ZNF407: variants seen among roughly 807,000 people sequenced by gnomAD.
ZNF407 encodes zinc finger protein 407.
ZNF407 carries 17 observed loss-of-function variants against 131.2 expected under a neutral mutation model. That is an observed-to-expected ratio of 0.13 (90% CI 0.09 to 0.19). The LOEUF (loss-of-function observed/expected upper bound fraction) is 0.19, where lower values mean the gene tolerates loss of function less well. Ranked by LOEUF, ZNF407 falls within the 10% of genes least tolerant of loss-of-function variation. The pLI is 1.00. For missense variants in ZNF407, 2,681 were observed against 2,830.6 expected (o/e 0.95, Z 1.20); for synonymous variants, 1,156 against 1,062.0 (o/e 1.09, Z -1.72).
intron 1 of ZNF407, among the ~76,000 whole-genome samples, chr18:74,601,893 A>G (rs1228574624): frequency 1.3e-5 from 2 of 152,358 alleles, no homozygotes; most frequent in Middle Eastern, 3.4e-3. Context: ...TTAATGGAGT[A>G]TGAGTCATTT....
chr18:74,778,532 T>C (rs1969522758), intron 3 of ZNF407, among the ~76,000 whole-genome samples: 1 of 152,218 alleles, frequency 6.6e-6, no homozygotes, highest in Admixed American at 6.5e-5. Context: ...AGGTTGTACA[T>C]TTTTTGAGGG....
rs574567482 is a variant in ZNF407 at position 74,933,869 on chromosome 18, C to T, written c.5428+13177C>T. ...ATGTGAAGTAAAATATTTGAACTTA[C>T]AGACATGTTTACACTTCCTTGTTTT... is the stretch of plus-strand genomic sequence containing the variant. On this transcript the variant is annotated intron_variant, in intron 8 of 8. Transcript: ENST00000299687. Among the ~76,000 whole-genome samples the T allele has an allele frequency of 9.2e-5, 14 of 152,284 alleles. No homozygotes were observed. The East Asian group carries it at 2.1e-3, about 23-fold the overall frequency.
chr18:74,655,864 C>G (rs1468558451), intron 3 of ZNF407, among the ~76,000 whole-genome samples: 3 of 152,010 alleles, frequency 2.0e-5, no homozygotes, highest in Admixed American at 2.0e-4. Context: ...TTGTGTGATA[C>G]GATGAGACTG....
chr18:75,035,907 C>A (rs1292373981), intron 8 of ZNF407, among the ~76,000 whole-genome samples: 1 of 152,208 alleles, frequency 6.6e-6, no homozygotes, highest in Non-Finnish European at 1.5e-5. Context: ...CTTGCCCTTT[C>A]TCCTAGGTTA....
intron 4 of ZNF407, among the ~76,000 whole-genome samples, chr18:74,869,909 A>G (rs925052778): frequency 5.3e-5 from 8 of 152,202 alleles, no homozygotes; most frequent in Admixed American, 4.6e-4. Context: ...GCTGGTGAGT[A>G]TTGGATGCAT....
At chr18:75,017,696 C>T (rs1266236767) in intron 8 of ZNF407, among the ~76,000 whole-genome samples, 1 of 152,128 alleles carries the variant, frequency 6.6e-6, no homozygotes, top group Non-Finnish European at 1.5e-5. Context: ...TTCCTTCTTC[C>T]ACCATGTGTT....
intron 3 of ZNF407, among the ~76,000 whole-genome samples, chr18:74,748,109 T>G (rs1368595140): frequency 1.3e-5 from 2 of 152,134 alleles, no homozygotes; most frequent in Non-Finnish European, 2.9e-5. Context: ...TTTGTAAATA[T>G]GGGGATATGT....
At chr18:74,861,256 A>ACC (rs1970933031) in intron 4 of ZNF407, among the ~76,000 whole-genome samples, 2 of 152,220 alleles carry the variant, frequency 1.3e-5, no homozygotes, top group Admixed American at 1.3e-4. Flanking sequence ...CCTGGGAGGA[A>ACC]GCTGTCAGGC....
rs867014418 is a variant in ZNF407, at chr18:75,063,296, C to A, written c.5575C>A (p.Pro1859Thr). ...PLRSSRRPAP[P>T]PEQVQQVIIF... ...CAGAAGCAGCAGGAGGCCAGCGCCG[C>A]CCCCTGAGCAGGTGCAGCAGGTCAT... The change falls in exon 9 of 9, where the codon CCC becomes ACC. Residue 1859 changes from proline (P) to threonine (T), a missense_variant. By Grantham distance (38) the Pro-to-Thr change is conservative. Coordinates refer to ENST00000299687, the MANE Select transcript of ZNF407 (RefSeq NM_017757.3). The surrounding 1 kb of genome is among the most constrained non-coding windows in gnomAD (Gnocchi z 6.6). 6.8e-6 allele frequency: 11 copies of A among 1,613,580 alleles called. No homozygotes were observed. Among genetic ancestry groups the A allele is most frequent in the Non-Finnish European group, 9.3e-6 (11 of 1,179,890 alleles).
chr18:74,752,658 C>T (rs1968833943), intron 3 of ZNF407, among the ~76,000 whole-genome samples: 2 of 152,124 alleles, frequency 1.3e-5, no homozygotes, highest in Admixed American at 6.6e-5. Context: ...TCGTTTTTGT[C>T]AGGTTTGTCA....
chr18:74,813,103 A>G (rs1272549823), intron 4 of ZNF407, among the ~76,000 whole-genome samples: 1 of 152,180 alleles, frequency 6.6e-6, no homozygotes, highest in East Asian at 1.9e-4. Flanking sequence ...TGATATGACA[A>G]GAAGGATGGC....
intron 3 of ZNF407, among the ~76,000 whole-genome samples, chr18:74,752,832 G>T (rs1034527880): frequency 3.5e-4 from 53 of 152,222 alleles, no homozygotes; most frequent in African/African-American, 1.2e-3. Context: ...TTGTTCTTTT[G>T]GATTAGGATT....
intron 8 of ZNF407, among the ~76,000 whole-genome samples, chr18:75,039,359 A>G (rs961358762): frequency 6.6e-6 from 1 of 152,248 alleles, no homozygotes; most frequent in African/African-American, 2.4e-5. Flanking sequence ...AACCATAATT[A>G]GTGCAGTAAT....
At chr18:75,023,182 G>C (rs1973131752) in intron 8 of ZNF407, among the ~76,000 whole-genome samples, 1 of 152,092 alleles carries the variant, frequency 6.6e-6, no homozygotes, top group East Asian at 1.9e-4. Flanking sequence ...TCTGAAGTAG[G>C]GGGGCAGGGA....
At chr18:75,011,082 G>T (rs1248321956) in intron 8 of ZNF407, among the ~76,000 whole-genome samples, 1 of 152,102 alleles carries the variant, frequency 6.6e-6, no homozygotes, top group African/African-American at 2.4e-5. Context: ...TTGAAAAGCT[G>T]AGTCTTATTT....
Position 75,013,949 on chromosome 18 carries a change from T to C in ZNF407, c.5429-49201T>C, listed in dbSNP as rs143062727. ...TCGCTTGAGTTGTGAGGAAATTCAT[T>C]CACTACATTTCTGTCACCAAAAAGT... On this transcript the variant is annotated intron_variant, in intron 8 of 8. Coordinates refer to ENST00000299687, the MANE Select transcript of ZNF407 (RefSeq NM_017757.3). 4.9e-3 allele frequency among the ~76,000 whole-genome samples: 746 copies of C among 152,218 alleles called. 9 individuals are homozygous for C. Among genetic ancestry groups the C allele is most frequent in the African/African-American group, 0.016 (681 of 41,536 alleles).
Position 74,659,391 on chromosome 18 carries a change from A to G in ZNF407, c.4802+18269A>G, listed in dbSNP as rs1196442796. 2.6e-5 allele frequency among the ~76,000 whole-genome samples: 4 copies of G among 152,306 alleles called. No individual in the cohort carries two copies. In the East Asian group the frequency reaches 5.8e-4, roughly 22 times the overall value. On this transcript the variant is annotated intron_variant, in intron 3 of 8. Coordinates refer to ENST00000299687, the MANE Select transcript of ZNF407 (RefSeq NM_017757.3). ...TGAAAACAATTATGAGGTAAAAAAG[A>G]TACATTTATGTTTAATTTTGAAATT...
intron 3 of ZNF407, among the ~76,000 whole-genome samples, chr18:74,676,338 T>C (rs1986359429): frequency 6.6e-6 from 1 of 152,130 alleles, no homozygotes; most frequent in African/African-American, 2.4e-5. Flanking sequence ...GCAATCCGCC[T>C]GCCTTCTCCT....
At chr18:75,061,241 A>T (rs980776148) in intron 8 of ZNF407, 1 of 152,240 alleles carries the variant, frequency 6.6e-6, no homozygotes, top group African/African-American at 2.4e-5. Flanking sequence ...TTAAAGCAGA[A>T]TATCTCAAAA....
Sources: gnomAD v4.1 joint callset for allele counts (sites outside exome capture counted in the v4.1 genomes callset) on GRCh38, gnomAD v4.1.1 for gene constraint, Gnocchi (gnomAD v3.1) non-coding constraint, MANE v1.5 for transcripts, NCBI Gene and HGNC (gene_info 2026-07-23, HGNC 2026-07-21) for gene names.